The following TEX36 variants were observed in gnomAD, a reference collection of about 807,000 sequenced individuals.
The protein encoded by TEX36 is testis expressed 36.
Under a neutral mutation model 13.6 loss-of-function variants are expected in TEX36, and 12 were observed. The observed-to-expected ratio is 0.88, with a 90% CI of 0.56 to 1.43. TEX36 has a LOEUF of 1.43. Ranked by LOEUF, TEX36 falls within the 40% of genes most tolerant of loss-of-function variation. The probability of loss-of-function intolerance (pLI) is 0.00; values close to 1 mark genes in which losing one functional copy is unlikely to be tolerated. For synonymous variants in TEX36, 93 were observed against 83.0 expected, an observed-to-expected ratio of 1.12 and a Z score of -0.65; for missense variants, 224 against 228.3, an observed-to-expected ratio of 0.98 and a Z score of 0.12.
At chr10:125,590,251 A>G (rs932352797) in intron 3 of TEX36, among the ~76,000 whole-genome samples, 7 of 152,068 alleles carry the variant, frequency 4.6e-5, no homozygotes, top group African/African-American at 1.4e-4. Flanking sequence ...CCAGGACTAC[A>G]GGTGAGTGGC....
chr10:125,590,900 G>T (rs1293845452), intron 3 of TEX36, among the ~76,000 whole-genome samples: 1 of 152,144 alleles, frequency 6.6e-6, no homozygotes, highest in African/African-American at 2.4e-5. Flanking sequence ...GGCTCCAAAA[G>T]TTGTTCTGTT....
At position 125,630,698 on chromosome 10, in the gene TEX36, G is replaced by T. The variant is rs576608428; in HGVS notation, c.265-9053C>A. Among the ~76,000 whole-genome samples, 12 of 152,286 alleles carry T rather than the reference G, an allele frequency of 7.9e-5. No individual in the cohort carries two copies. The South Asian group carries it at 2.3e-3, about 29-fold the overall frequency. ...GCATGTCGATGGGAAACTAGTGTCT[G>T]TTAGGGGGATGGCACCCGGTCCTAA... On this transcript the variant is annotated intron_variant, in intron 3 of 3. Transcript: ENST00000526819.
At chr10:125,610,909 A>C (rs1278426759) in intron 3 of TEX36, among the ~76,000 whole-genome samples, 1 of 152,126 alleles carries the variant, frequency 6.6e-6, no homozygotes, top group Non-Finnish European at 1.5e-5. Flanking sequence ...TGGTTCATTG[A>C]ATTATCCACC....
rs554483665 is a variant in TEX36 at position 125,581,591 on chromosome 10, A to G, written c.265-4717T>C. On this transcript the variant is annotated intron_variant, in intron 3 of 3. Coordinates refer to the TEX36 transcript ENST00000532135. ...CTTCTCTCAGAGTCAGCTTTTAGGG[A>G]ACCCAAACTAATCAGGAATGGCCTG... is the stretch of plus-strand genomic sequence containing the variant. Among the ~76,000 whole-genome samples, 6 of 152,282 alleles carry G rather than the reference A, an allele frequency of 3.9e-5. No individual in the cohort carries two copies. In the South Asian group the frequency reaches 1.0e-3, roughly 26 times the overall value.
chr10:125,576,531 C>T, exon 4 of TEX36: 1 of 587,768 alleles, frequency 1.7e-6, no homozygotes, highest in Non-Finnish European at 2.9e-6. Context: ...ATTCTTCCTG[C>T]CAGGGAGATA....
intron 3 of TEX36, among the ~76,000 whole-genome samples, chr10:125,605,742 C>G (rs971376976): frequency 6.6e-6 from 1 of 152,140 alleles, no homozygotes; most frequent in African/African-American, 2.4e-5. Context: ...GCTGGGATTA[C>G]AGGTGCCCAC....
Position 125,577,571 on chromosome 10 carries a change from T to C in TEX36, c.265-697A>G, listed in dbSNP as rs534866157. Among the ~76,000 whole-genome samples, 6 of 152,366 alleles carry C rather than the reference T, an allele frequency of 3.9e-5. No individual in the cohort carries two copies. The South Asian group carries it at 1.2e-3, about 32-fold the overall frequency. On this transcript the variant is annotated intron_variant, in intron 3 of 3. Transcript: ENST00000532135. ...TTAAATCATAAAAAATAATTTAAAATGTGGAGTGAAAACATCACCCATAAT... is the reference window on the plus strand; with the variant it reads ...TTAAATCATAAAAAATAATTTAAAACGTGGAGTGAAAACATCACCCATAAT...
At chr10:125,651,202 AT>A (rs919794907), downstream of TEX36, among the ~76,000 whole-genome samples, 1 of 152,212 alleles carries the variant, frequency 6.6e-6, no homozygotes, top group Non-Finnish European at 1.5e-5. Flanking sequence ...AAAAAAGAGA[AT>A]TTTAGACCAA....
intron 3 of TEX36, among the ~76,000 whole-genome samples, chr10:125,623,817 T>C (rs894375216): frequency 6.6e-6 from 1 of 152,238 alleles, no homozygotes; most frequent in Non-Finnish European, 1.5e-5. Flanking sequence ...GGATTGGACA[T>C]AAATTATTTT....
At chr10:125,593,212 G>A (rs548330965) in intron 3 of TEX36, among the ~76,000 whole-genome samples, 57 of 152,352 alleles carry the variant, frequency 3.7e-4, no homozygotes, top group Non-Finnish European at 7.8e-4. Flanking sequence ...CATCTCATTA[G>A]CATGACACTT....
intron 3 of TEX36, among the ~76,000 whole-genome samples, chr10:125,650,316 T>A (rs528151478): frequency 9.9e-5 from 15 of 152,276 alleles, no homozygotes; most frequent in African/African-American, 3.6e-4. Context: ...CACAGTGCAA[T>A]CAAACTAGAA....
At chr10:125,661,133 A>C in intron 2 of TEX36, 32 bp from the exon 3 acceptor site, 1 of 1,510,532 alleles carries the variant, frequency 6.6e-7, no homozygotes, top group Non-Finnish European at 9.0e-7. Context: ...GAAAGAGCAC[A>C]CATTAGAACC....
chr10:125,653,067 A>G (rs529330297), downstream of TEX36, among the ~76,000 whole-genome samples: 175 of 152,348 alleles, frequency 1.1e-3, 1 homozygote, highest in African/African-American at 4.2e-3. Context: ...ACCATTGTGG[A>G]AAACAGTGTG....
chr10:125,630,680 G>A (rs1032549578), intron 3 of TEX36, among the ~76,000 whole-genome samples: 12 of 152,208 alleles, frequency 7.9e-5, no homozygotes, highest in East Asian at 1.9e-4. Context: ...CATGCATGTC[G>A]ATGGGAAACT....
chr10:125,599,864 C>T (rs1318497652), intron 3 of TEX36, among the ~76,000 whole-genome samples: 3 of 152,154 alleles, frequency 2.0e-5, no homozygotes, highest in African/African-American at 7.2e-5. Context: ...GTGGACCTTC[C>T]CTGGCTTCCA....
At chr10:125,668,790 C>T (rs1032595084) in intron 1 of TEX36, among the ~76,000 whole-genome samples, 8 of 152,050 alleles carry the variant, frequency 5.3e-5, no homozygotes, top group African/African-American at 1.9e-4. Context: ...TTTCTAGTTC[C>T]TTGGAGTGCA....
chr10:125,612,336 G>A (rs1846300170), intron 3 of TEX36, among the ~76,000 whole-genome samples: 2 of 138,906 alleles, frequency 1.4e-5, no homozygotes, highest in Non-Finnish European at 3.2e-5. Flanking sequence ...CACCCACCTT[G>A]GCCTCCCAAA....
intron 1 of TEX36, chr10:125,667,423 G>A (rs187060465): frequency 1.5e-6 from 1 of 676,272 alleles, no homozygotes; most frequent in African/African-American, 1.8e-5. Context: ...GCTAGCAGAT[G>A]CTGGCATGAC....
At chr10:125,641,923 T>C (rs1846698648) in intron 3 of TEX36, among the ~76,000 whole-genome samples, 1 of 152,208 alleles carries the variant, frequency 6.6e-6, no homozygotes. Flanking sequence ...AGAAAACTAT[T>C]AAGAAAGACT....
Sources: allele counts gnomAD v4.1 joint callset (sites outside exome capture counted in the v4.1 genomes callset), GRCh38; gene constraint gnomAD v4.1.1; transcripts MANE v1.5; gene names NCBI Gene and HGNC (gene_info 2026-07-23, HGNC 2026-07-21).